The following ZBED6 variants were observed in gnomAD, a reference collection of about 807,000 sequenced individuals.
The protein encoded by ZBED6 is zinc finger BED domain-containing protein 6.
A neutral mutation model predicts 58.4 loss-of-function variants in ZBED6; 40 were observed. The ratio of observed to expected loss-of-function variants is 0.68; its 90% CI spans 0.53 to 0.89. The LOEUF (loss-of-function observed/expected upper bound fraction) is 0.89, where lower values mean the gene tolerates loss of function less well. ZBED6 is among the 40% of genes least tolerant of loss of function. The pLI is 0.00. For missense variants in ZBED6, 1,057 were observed against 1,003.9 expected (o/e 1.05, Z -0.71); for synonymous variants, 439 against 350.6 (o/e 1.25, Z -2.82).
At chr1:203,842,080 A>G (rs1230421696) in intron 11 of ZBED6, among the ~76,000 whole-genome samples, 4 of 128,622 alleles carry the variant, frequency 3.1e-5, no homozygotes, top group Non-Finnish European at 4.9e-5. Context: ...CCTAGACGGG[A>G]TGGCGGCTGG....
At chr1:203,827,181 C>T (rs1680799990) in intron 3 of ZBED6, among the ~76,000 whole-genome samples, 1 of 151,950 alleles carries the variant, frequency 6.6e-6, no homozygotes, top group Non-Finnish European at 1.5e-5. Flanking sequence ...GTTTCTTTAT[C>T]CATTCTAGTA....
chr1:203,823,863 C>T (rs1174935588), intron 3 of ZBED6, among the ~76,000 whole-genome samples: 1 of 152,054 alleles, frequency 6.6e-6, no homozygotes, highest in Non-Finnish European at 1.5e-5. Flanking sequence ...CTGTAGAGTG[C>T]CAGGTAGCTG....
exon 1 of ZBED6, chr1:203,800,919 A>G (rs1458251795): frequency 1.3e-5 from 2 of 152,580 alleles, no homozygotes; most frequent in East Asian, 1.9e-4. Flanking sequence ...ACAACTTGGC[A>G]AAAAGAAAAC....
intron 11 of ZBED6, among the ~76,000 whole-genome samples, chr1:203,844,319 G>A (rs1159576942): frequency 1.3e-5 from 2 of 151,908 alleles, no homozygotes; most frequent in Non-Finnish European, 2.9e-5. Context: ...GTGCAATCAC[G>A]CCTGGCTAAC....
intron 1 of ZBED6, among the ~76,000 whole-genome samples, chr1:203,812,604 C>T (rs184981638): frequency 1.0e-4 from 10 of 99,810 alleles, no homozygotes; most frequent in African/African-American, 2.7e-4. Context: ...TTTTTTGAGA[C>T]GGAGTCTCAC....
chr1:203,808,750 A>T (rs1471452653), intron 1 of ZBED6, among the ~76,000 whole-genome samples: 1 of 152,164 alleles, frequency 6.6e-6, no homozygotes, highest in African/African-American at 2.4e-5. Flanking sequence ...TTTTGAAGGT[A>T]GGGGCTGGAA....
rs568338128 is a variant in ZBED6, at chr1:203,833,856, A to G, written c.*3573+3A>G. 1.4e-5 allele frequency: 22 copies of G among 1,608,642 alleles called. No homozygotes were observed. The highest frequency in any genetic ancestry group is 1.9e-5 in the Non-Finnish European group (22 of 1,177,714). On this transcript the variant is annotated splice_donor_region_variant and intron_variant, in intron 9 of 16. Transcript: ENST00000550078. ...GGGGAAACGAAAATTTTCAGCAGGT[A>G]AGATAAGTTTTGTGTATATCTTTTC...
At chr1:203,812,410 A>G (rs1674789611) in intron 1 of ZBED6, among the ~76,000 whole-genome samples, 1 of 152,092 alleles carries the variant, frequency 6.6e-6, no homozygotes, top group Non-Finnish European at 1.5e-5. Context: ...TTTGCTAAGG[A>G]TAATAGCCTC....
chr1:203,811,611 C>T (rs752378085), intron 1 of ZBED6, among the ~76,000 whole-genome samples: 85 of 152,026 alleles, frequency 5.6e-4, no homozygotes, highest in Non-Finnish European at 6.5e-4. Context: ...TGGATTCAAG[C>T]GATTCTTGTA....
intron 4 of ZBED6, 162 bp from the exon 5 acceptor site, chr1:203,829,289 G>A: frequency 1.5e-6 from 1 of 689,436 alleles, no homozygotes; most frequent in Non-Finnish European, 2.4e-6. Flanking sequence ...TTAGGTAAAA[G>A]CACATCTTTT....
At chr1:203,829,694 G>T in intron 5 of ZBED6, 40 bp downstream of exon 5, 1 of 1,612,768 alleles carries the variant, frequency 6.2e-7, no homozygotes, top group South Asian at 1.1e-5. Context: ...CAAATAAATA[G>T]GGTCTCATAG....
At chr1:203,842,459 G>GT (rs1357619938) in intron 11 of ZBED6, among the ~76,000 whole-genome samples, 1 of 152,106 alleles carries the variant, frequency 6.6e-6, no homozygotes, top group Non-Finnish European at 1.5e-5. Flanking sequence ...CCAGTCAAGT[G>GT]TGGCGGCGCG....
intron 1 of ZBED6, chr1:203,806,033 C>A: frequency 1.9e-6 from 1 of 539,970 alleles, no homozygotes; most frequent in South Asian, 1.6e-5. Flanking sequence ...GTGCGATTGT[C>A]CTGCTGCTGC....
chr1:203,819,108 A>ACG (rs1677411351), intron 3 of ZBED6, among the ~76,000 whole-genome samples: 1 of 150,338 alleles, frequency 6.7e-6, no homozygotes, highest in South Asian at 2.1e-4. Context: ...ACACACACAC[A>ACG]CACACACACA....
At chr1:203,838,090 G>T in intron 10 of ZBED6, 26 bp downstream of exon 10, 1 of 1,601,414 alleles carries the variant, frequency 6.2e-7, no homozygotes, top group Non-Finnish European at 8.5e-7. Flanking sequence ...CATACTTTGT[G>T]TGTGTATGTA....
intron 11 of ZBED6, 110 bp downstream of exon 11, chr1:203,840,484 T>C: frequency 1.8e-6 from 2 of 1,094,936 alleles, no homozygotes; most frequent in South Asian, 1.6e-5. Flanking sequence ...TTTTGTTCTT[T>C]TGTAGTTCTG....
At chr1:203,830,307 C>A in intron 7 of ZBED6, 104 bp downstream of exon 7, 1 of 876,652 alleles carries the variant, frequency 1.1e-6, no homozygotes, top group Non-Finnish European at 1.8e-6. Context: ...ATTTTCATTT[C>A]CATGGCCTGT....
At chr1:203,818,788 G>A in intron 3 of ZBED6, 99 bp downstream of exon 3, 3 of 1,561,372 alleles carry the variant, frequency 1.9e-6, no homozygotes, top group Non-Finnish European at 2.6e-6. Context: ...AATATATTAA[G>A]GCTGAGTGCA....
At chr1:203,831,758 C>G in exon 8 of ZBED6, 1 of 1,611,808 alleles carries the variant, frequency 6.2e-7, no homozygotes, top group African/African-American at 1.3e-5. Context: ...CAGTAACTCT[C>G]TCCACCAAAC....
Sources: allele counts gnomAD v4.1 joint callset (sites outside exome capture counted in the v4.1 genomes callset), GRCh38; gene constraint gnomAD v4.1.1; transcripts MANE v1.5; gene names NCBI Gene and HGNC (gene_info 2026-07-23, HGNC 2026-07-21).